Variants in NUP153 observed in about 807,000 individuals in gnomAD.
The protein encoded by NUP153 is nucleoporin 153, also known as nuclear pore complex protein Nup153.
Under a neutral mutation model 134.6 loss-of-function variants are expected in NUP153, and 27 were observed. The observed-to-expected ratio is 0.20, with a 90% CI of 0.15 to 0.28. The LOEUF (loss-of-function observed/expected upper bound fraction) is 0.28, where lower values mean the gene tolerates loss of function less well. Among genes scored for constraint, NUP153 ranks in the 10% least tolerant of loss-of-function variants. The pLI is 1.00. For synonymous variants in NUP153, 640 were observed against 623.5 expected (o/e 1.03, Z -0.40); for missense variants, 1,821 against 1,731.3 (o/e 1.05, Z -0.92).
At chr6:17,689,539 CTTT>C (rs200562896) in intron 1 of NUP153, among the ~76,000 whole-genome samples, 2 of 143,720 alleles carry the variant, frequency 1.4e-5, no homozygotes, top group South Asian at 2.2e-4. Context: ...ACGGTAACTT[CTTT>C]TTTTTTTTTT....
At chr6:17,661,856 G>GT in intron 10 of NUP153, 77 bp from the exon 11 acceptor site, 1 of 1,364,526 alleles carries the variant, frequency 7.3e-7, no homozygotes, top group Non-Finnish European at 1.0e-6. Context: ...CTGCTAACAA[G>GT]TAAAAAAAAA....
At chr6:17,690,679 A>G (rs943276522) in intron 1 of NUP153, among the ~76,000 whole-genome samples, 1 of 152,176 alleles carries the variant, frequency 6.6e-6, no homozygotes, top group Non-Finnish European at 1.5e-5. Context: ...GAAAGAGTCA[A>G]AGAAAGGAAA....
chr6:17,676,184 T>C (rs1484224860), intron 2 of NUP153, among the ~76,000 whole-genome samples: 2 of 152,190 alleles, frequency 1.3e-5, no homozygotes, highest in Non-Finnish European at 2.9e-5. Flanking sequence ...ATGTCTAATC[T>C]TGACTCCCAT....
chr6:17,682,526 T>G (rs1460801949), intron 2 of NUP153, among the ~76,000 whole-genome samples: 1 of 152,222 alleles, frequency 6.6e-6, no homozygotes, highest in Non-Finnish European at 1.5e-5. Context: ...CTCTCAAATT[T>G]CGCTGCTGCT....
intron 12 of NUP153, 25 bp from the exon 13 acceptor site, chr6:17,647,930 T>C: frequency 6.9e-7 from 1 of 1,458,340 alleles, no homozygotes; most frequent in Non-Finnish European, 9.6e-7. Context: ...TATTAAGAAA[T>C]GATACAAAAA....
chr6:17,626,455 T>G (rs1026104380), intron 18 of NUP153, among the ~76,000 whole-genome samples: 2 of 152,198 alleles, frequency 1.3e-5, no homozygotes, highest in African/African-American at 4.8e-5. Flanking sequence ...GATACTGTAG[T>G]TGAATAGCAA....
rs138493266 is a variant in NUP153 at position 17,624,910 on chromosome 6, C to T, written c.3902-77G>A. 38 of 1,383,144 alleles carry T rather than the reference C, an allele frequency of 2.7e-5. No homozygotes were observed. In the African/African-American group the frequency reaches 4.9e-4, roughly 18 times the overall value. 85.7% of individuals were successfully genotyped at this position (1,383,144 alleles called of 1,614,324 possible). A position where few individuals can be genotyped will look rare whatever the true frequency, so the allele number is the denominator to read the frequency against. On this transcript the variant is annotated intron_variant, in intron 19 of 21. Transcript: ENST00000262077. ...TCCTCAAGAAATTTCTGTAAACCCA[C>T]AAGCAAATGTCAAGCTTCGTTTCAG...
chr6:17,660,027 C>T (rs902132439), intron 11 of NUP153, among the ~76,000 whole-genome samples: 1 of 152,104 alleles, frequency 6.6e-6, no homozygotes. Context: ...TCCCAAAGCT[C>T]ATTACAAGTC....
chr6:17,686,061 T>A (rs1192688483), intron 2 of NUP153, among the ~76,000 whole-genome samples: 1 of 151,940 alleles, frequency 6.6e-6, no homozygotes, highest in Non-Finnish European at 1.5e-5. Context: ...GGTGGGAGGA[T>A]CGCTTGAGCC....
chr6:17,681,560 C>A (rs576476659), intron 2 of NUP153, among the ~76,000 whole-genome samples: 3 of 151,924 alleles, frequency 2.0e-5, no homozygotes, highest in Non-Finnish European at 4.4e-5. Context: ...CCAGCCTGGG[C>A]GACAGAGCCA....
At chr6:17,683,869 G>A (rs1302531524) in intron 2 of NUP153, among the ~76,000 whole-genome samples, 1 of 152,126 alleles carries the variant, frequency 6.6e-6, no homozygotes, top group East Asian at 1.9e-4. Flanking sequence ...TAGTTTAGAT[G>A]TTTGTCCCTC....
intron 20 of NUP153, among the ~76,000 whole-genome samples, chr6:17,622,476 A>T (rs1456707595): frequency 6.6e-6 from 1 of 152,172 alleles, no homozygotes. Context: ...AAAAATTTAA[A>T]AAAGGATTTT....
rs747329695 is a variant in NUP153 at position 17,706,475 on chromosome 6, C to T, written c.-88G>A. Reference sequence around the variant, plus strand: ...GGCCTTAGAGAGCCTCCCCCGCCGCCCGGCCCCGGCCCAAAAGTCCGCCCG... The same window carrying T: ...GGCCTTAGAGAGCCTCCCCCGCCGCTCGGCCCCGGCCCAAAAGTCCGCCCG... On this transcript the variant is annotated 5_prime_UTR_variant, in exon 1 of 22. Transcript: ENST00000262077. The surrounding 1 kb of genome is among the most constrained non-coding windows in gnomAD (Gnocchi z 5.9). 1 of 982,046 alleles carries T rather than the reference C, an allele frequency of 1.0e-6. No homozygotes were observed. Among genetic ancestry groups the T allele is most frequent in the South Asian group, 1.5e-5 (1 of 66,524 alleles). 60.8% of individuals were successfully genotyped at this position (982,046 alleles called of 1,614,324 possible).
At chr6:17,652,047 C>T in intron 11 of NUP153, 2 of 381,034 alleles carry the variant, frequency 5.2e-6, no homozygotes, top group Non-Finnish European at 9.3e-6. Flanking sequence ...GACATCTCAT[C>T]TCAAAAATAA....
rs959348142 is a variant in NUP153 at position 17,688,687 on chromosome 6, T to C, written c.112-69A>G. 3 of 1,277,258 alleles carry C rather than the reference T, an allele frequency of 2.3e-6. No individual in the cohort carries two copies. In the East Asian group the frequency reaches 7.0e-5, roughly 30 times the overall value. The allele number at this position is 1,277,258 out of a possible 1,614,324, so 79.1% of individuals were successfully genotyped here. A position where few individuals can be genotyped will look rare whatever the true frequency, so the allele number is the denominator to read the frequency against. On this transcript the variant is annotated intron_variant, in intron 1 of 21. Coordinates refer to ENST00000262077, the MANE Select transcript of NUP153 (RefSeq NM_005124.4). ...CTTTTTAAAATAAGTACCTACTCAC[T>C]GAAAGCCAGGCCAAGCAAAACACAA...
chr6:17,631,188 C>A (rs1264487540), intron 17 of NUP153, among the ~76,000 whole-genome samples: 1 of 152,152 alleles, frequency 6.6e-6, no homozygotes, highest in East Asian at 1.9e-4. Flanking sequence ...TACCAGGGAA[C>A]CTTACACCTA....
In NUP153 at chr6:17,615,054, T is replaced by C. The variant is rs1764250386; in HGVS notation, c.*1043A>G. 6.6e-6 allele frequency: 1 copy of C among 152,660 alleles called. No individual in the cohort carries two copies. Among genetic ancestry groups the C allele is most frequent in the Non-Finnish European group, 1.5e-5 (1 of 68,032 alleles). The allele number at this position is 152,660 out of a possible 1,614,324, so 9.5% of individuals were successfully genotyped here. On this transcript the variant is annotated 3_prime_UTR_variant, in exon 22 of 22. Coordinates refer to ENST00000262077, the MANE Select transcript of NUP153 (RefSeq NM_005124.4). The surrounding 1 kb of genome is among the most constrained non-coding windows in gnomAD (Gnocchi z 5.7). ...ACAAAAAGTATGTCATAATTTTTTA[T>C]TGATGGCATTTATCCCATGGTTTAA...
chr6:17,640,253 T>A (rs1009761035), intron 14 of NUP153, among the ~76,000 whole-genome samples, 189 bp from the exon 15 acceptor site: 1 of 152,088 alleles, frequency 6.6e-6, no homozygotes, highest in African/African-American at 2.4e-5. Context: ...AAAACACTAT[T>A]CCCATACTAT....
rs1170543105 is a variant in NUP153, at chr6:17,661,737, A to G, written c.1311T>C (p.Gly437=). The change falls in exon 11 of 22, where the codon GGT becomes GGC. Residue 437 remains glycine (G), a synonymous_variant. Transcript: ENST00000262077. ...CTCCACCACCTACTCCAGAAGATAAACCATTGGCTGCAGGCAAACTGAAAT... is the reference window on the plus strand; with the variant it reads ...CTCCACCACCTACTCCAGAAGATAAGCCATTGGCTGCAGGCAAACTGAAAT... ...YPNFSLPAAN[G]LSSGVGGGGG... 48 of 1,613,460 alleles carry G rather than the reference A, an allele frequency of 3.0e-5. No individual in the cohort carries two copies. Among genetic ancestry groups the G allele is most frequent in the Non-Finnish European group, 4.0e-5 (47 of 1,179,878 alleles).
Sources: allele counts gnomAD v4.1 joint callset (sites outside exome capture counted in the v4.1 genomes callset), GRCh38; gene constraint gnomAD v4.1.1; non-coding constraint Gnocchi (gnomAD v3.1); transcripts MANE v1.5; gene names NCBI Gene and HGNC (gene_info 2026-07-23, HGNC 2026-07-21).